Variants in DPPA5 observed in about 807,000 individuals in gnomAD.
DPPA5 encodes the protein developmental pluripotency associated 5.
In DPPA5, 11 loss-of-function variants were observed where a neutral mutation model predicts 11.3. The observed-to-expected ratio is 0.97, with a 90% CI of 0.61 to 1.61. DPPA5 has a LOEUF of 1.61. Among genes scored for constraint, DPPA5 ranks in the 40% most tolerant of loss-of-function variants. The pLI is 0.00. For missense variants in DPPA5, 132 were observed against 151.8 expected (o/e 0.87, Z 0.68); for synonymous variants, 53 against 59.2 (o/e 0.90, Z 0.48).
intron 2 of DPPA5, 61 bp from the exon 3 acceptor site, chr6:73,353,439 T>C (rs1336037816): frequency 8.7e-6 from 14 of 1,602,238 alleles, no homozygotes; most frequent in Non-Finnish European, 1.1e-5. Flanking sequence ...GCCCGGACTG[T>C]TCTCCGCCTC....
At chr6:73,353,787 G>T in intron 2 of DPPA5, 66 bp downstream of exon 2, 1 of 1,554,144 alleles carries the variant, frequency 6.4e-7, no homozygotes, top group Non-Finnish European at 8.7e-7. Flanking sequence ...GGAGAGGGCT[G>T]GAGGAGAGGC....
At position 73,353,321 on chromosome 6, in the gene DPPA5, C is replaced by T; in HGVS notation, c.350G>A (p.Ter117=). 6.2e-7 allele frequency: 1 copy of T among 1,614,136 alleles called. No homozygotes were observed. The highest frequency in any genetic ancestry group is 8.5e-7 in the Non-Finnish European group (1 of 1,180,024). Residue 117 remains the stop codon, a stop_retained_variant, in exon 3 of 3, where the codon TGA becomes TAA. Coordinates refer to ENST00000370370, the MANE Select transcript of DPPA5 (RefSeq NM_001025290.3). ...TCATTGCATTGGCTGGAAACTGGTTCACTTCATCCAAGGGCCTAGTTCGAG... is the reference window on the plus strand; with the variant it reads ...TCATTGCATTGGCTGGAAACTGGTTTACTTCATCCAAGGGCCTAGTTCGAG... ...NALELGPWMK[*] is the part of the protein sequence containing the mutation.
chr6:73,354,041 G>GA lies in DPPA5; in HGVS notation c.113-10dup, dbSNP rs1235595349. ...TCGAGATCCGTCCGGGCCTGTTGGG[G>GA]AAAAGAGATGAGATCCCCGGGCCGG... On this transcript the variant is annotated splice_polypyrimidine_tract_variant and intron_variant, in intron 1 of 2. Transcript: ENST00000370370. 5 of 1,613,752 alleles carry GA rather than the reference G, an allele frequency of 3.1e-6. No homozygotes were observed. The South Asian group carries it at 3.3e-5, about 11-fold the overall frequency.
At position 73,353,253 on chromosome 6, in the gene DPPA5, A is replaced by G. The variant is rs1156889710; in HGVS notation, c.*67T>C. 2.5e-6 allele frequency: 4 copies of G among 1,586,532 alleles called. No homozygotes were observed. In the South Asian group the frequency reaches 3.3e-5, roughly 13 times the overall value. ...GCAGATTTTAAAACAAGCTTAAGGA[A>G]TCACTCTAGCTCTGGCCACAACCTA... On this transcript the variant is annotated 3_prime_UTR_variant, in exon 3 of 3. Coordinates refer to ENST00000370370, the MANE Select transcript of DPPA5 (RefSeq NM_001025290.3).
At position 73,353,474 on chromosome 6, in the gene DPPA5, C is replaced by A; in HGVS notation, c.293-96G>T. The A allele has an allele frequency of 1.0e-5, 15 of 1,458,628 alleles. No individual in the cohort carries two copies. The South Asian group carries it at 1.7e-4, about 17-fold the overall frequency. 90.4% of individuals were successfully genotyped at this position (1,458,628 alleles called of 1,614,324 possible). A position where few individuals can be genotyped will look rare whatever the true frequency, so the allele number is the denominator to read the frequency against. On this transcript the variant is annotated intron_variant, in intron 2 of 2. Coordinates refer to ENST00000370370, the MANE Select transcript of DPPA5 (RefSeq NM_001025290.3). The stretch of plus-strand genomic sequence containing the variant: ...CTTTCAGGGTTCGTTTCTGGGACTT[C>A]TGATCCAGGCGTTCTGGGCCTGAGA...
chr6:73,353,829 G>T, intron 2 of DPPA5, 24 bp downstream of exon 2: 2 of 1,611,088 alleles, frequency 1.2e-6, no homozygotes, highest in Non-Finnish European at 1.7e-6. Flanking sequence ...TGTGTTCCGC[G>T]TACCCAGTCT....
At chr6:73,353,749 G>A in intron 2 of DPPA5, 104 bp downstream of exon 2, 1 of 1,420,666 alleles carries the variant, frequency 7.0e-7, no homozygotes, top group Non-Finnish European at 9.4e-7. Context: ...CGCCCAAGGT[G>A]CTGGCAGCGA....
Position 73,354,139 on chromosome 6 carries a change from C to G in DPPA5, c.87G>C (p.Gln29His). 6.2e-7 allele frequency: 1 copy of G among 1,614,234 alleles called. No individual in the cohort carries two copies. Among genetic ancestry groups the G allele is most frequent in the Non-Finnish European group, 8.5e-7 (1 of 1,180,038 alleles). ...CGAAAATGGCTTTCAGCAGCCGCGTCTGGACCTGGAACACCTCTGGATCTT... is the reference window on the plus strand; with the variant it reads ...CGAAAATGGCTTTCAGCAGCCGCGTGTGGACCTGGAACACCTCTGGATCTT... ...DLKDPEVFQV[Q>H]TRLLKAIFGP... The change falls in exon 1 of 3, where the codon CAG becomes CAC. Residue 29 changes from glutamine to histidine, a missense_variant. Gln to His is a conservative substitution (Grantham distance 24). Transcript: ENST00000370370.
At position 73,353,999 on chromosome 6, in the gene DPPA5, T is replaced by G; in HGVS notation, c.146A>C (p.Gln49Pro). Residue 49 changes from glutamine (Q) to proline (P), a missense_variant, in exon 2 of 3, where the codon CAG (glutamine) becomes CCG (proline). By Grantham distance (76) the Gln-to-Pro change is moderately conservative. Coordinates refer to ENST00000370370, the MANE Select transcript of DPPA5 (RefSeq NM_001025290.3). ...PDGSRIPYIE[Q>P]VSKAMLELKA... Reference sequence around the variant, plus strand: ...CAGCTCGAGCATGGCCTTGCTCACCTGCTCGATGTAAGGGATTCGAGATCC... The same window carrying G: ...CAGCTCGAGCATGGCCTTGCTCACCGGCTCGATGTAAGGGATTCGAGATCC... 1 of 1,614,124 alleles carries G rather than the reference T, an allele frequency of 6.2e-7. No individual in the cohort carries two copies. The highest frequency in any genetic ancestry group is 8.5e-7 in the Non-Finnish European group (1 of 1,180,012).
rs759070060 is a variant in DPPA5, at chr6:73,353,277, T to C, written c.*43A>G. On this transcript the variant is annotated 3_prime_UTR_variant, in exon 3 of 3. Transcript: ENST00000370370. ...AATCACTCTAGCTCTGGCCACAACCTAATCTCTGCAACCCGGCTTCATTGC... is the reference window on the plus strand; with the variant it reads ...AATCACTCTAGCTCTGGCCACAACCCAATCTCTGCAACCCGGCTTCATTGC... 1.2e-5 allele frequency: 19 copies of C among 1,612,852 alleles called. No homozygotes were observed. The African/African-American group carries it at 1.7e-4, about 15-fold the overall frequency.
At chr6:73,353,731 CCTGGTGACGCCCAAGGTG>C in intron 2 of DPPA5, 104 bp downstream of exon 2, 1 of 1,329,390 alleles carries the variant, frequency 7.5e-7, no homozygotes, top group South Asian at 1.5e-5. Context: ...CAAGGGCACC[CCTGGTGACGCCCAAGGTG>C]CTGGCAGCGA....
Position 73,353,971 on chromosome 6 carries a change from C to T in DPPA5, c.174G>A (p.Lys58=). ...EQVSKAMLEL[K]ALESSDLTEV... ...CGGTGAGGTCTGAAGACTCCAGAGC[C>T]TTCAGCTCGAGCATGGCCTTGCTCA... is the stretch of plus-strand genomic sequence containing the variant. Residue 58 remains lysine, a synonymous_variant, in exon 2 of 3, where the codon AAG becomes AAA. Transcript: ENST00000370370. 6.2e-7 allele frequency: 1 copy of T among 1,614,164 alleles called. No homozygotes were observed. The highest frequency in any genetic ancestry group is 2.2e-5 in the East Asian group (1 of 44,858).
Position 73,353,237 on chromosome 6 carries a change from A to T in DPPA5, c.*83T>A. On this transcript the variant is annotated 3_prime_UTR_variant, in exon 3 of 3. Coordinates refer to ENST00000370370, the MANE Select transcript of DPPA5 (RefSeq NM_001025290.3). Reference sequence around the variant, plus strand: ...AACTCTTTAGGCTGGAGCAGATTTTAAAACAAGCTTAAGGAATCACTCTAG... The same window carrying T: ...AACTCTTTAGGCTGGAGCAGATTTTTAAACAAGCTTAAGGAATCACTCTAG... The T allele has an allele frequency of 6.4e-7, 1 of 1,559,796 alleles. No individual in the cohort carries two copies. The highest frequency in any genetic ancestry group is 8.8e-7 in the Non-Finnish European group (1 of 1,131,672).
At chr6:73,353,763 A>C in intron 2 of DPPA5, 90 bp downstream of exon 2, 19 of 1,475,944 alleles carry the variant, frequency 1.3e-5, no homozygotes, top group Non-Finnish European at 1.5e-5. Flanking sequence ...GCAGCGAGCA[A>C]GAGAGGAGAA....
intron 2 of DPPA5, 34 bp downstream of exon 2, chr6:73,353,819 T>A: frequency 6.2e-7 from 1 of 1,607,348 alleles, no homozygotes; most frequent in Middle Eastern, 2.0e-4. Flanking sequence ...CCCGCGAGCC[T>A]GTGTTCCGCG....
At chr6:73,353,717 A>G (rs1261293581) in intron 2 of DPPA5, 136 bp downstream of exon 2, 3 of 1,244,170 alleles carry the variant, frequency 2.4e-6, no homozygotes, top group East Asian at 5.1e-5. Context: ...GAAGGCCCAG[A>G]TGCCAAGGGC....
Position 73,354,029 on chromosome 6 carries a change from G to A in DPPA5, c.116C>T (p.Pro39Leu), listed in dbSNP as rs1238480576. The change falls in exon 2 of 3, where the codon CCG (proline) becomes CTG (leucine). Residue 39 changes from proline (P) to leucine (L), a missense_variant. Pro to Leu is a moderately conservative substitution (Grantham distance 98). Transcript: ENST00000370370. ...QTRLLKAIFG[P>L]DGSRIPYIEQ... ...GATGTAAGGGATTCGAGATCCGTCC[G>A]GGCCTGTTGGGGAAAAGAGATGAGA... 5.6e-6 allele frequency: 9 copies of A among 1,613,862 alleles called. No individual in the cohort carries two copies. The highest frequency in any genetic ancestry group is 1.7e-5 in the Admixed American group (1 of 60,000).
At chr6:73,353,415 G>T in intron 2 of DPPA5, 37 bp from the exon 3 acceptor site, 2 of 1,613,670 alleles carry the variant, frequency 1.2e-6, no homozygotes, top group Non-Finnish European at 1.7e-6. Context: ...TGAGTCTGGG[G>T]GAAAATAGTA....
chr6:73,353,335 G>C lies in DPPA5; in HGVS notation c.336C>G (p.Gly112=), dbSNP rs755037198. The C allele has an allele frequency of 2.5e-6, 4 of 1,614,096 alleles. No individual in the cohort carries two copies. The highest frequency in any genetic ancestry group is 3.4e-6 in the Non-Finnish European group (4 of 1,180,014). Residue 112 remains glycine (G), a synonymous_variant, in exon 3 of 3, where the codon GGC becomes GGG. Transcript: ENST00000370370. Reference sequence around the variant, plus strand: ...GGAAACTGGTTCACTTCATCCAAGGGCCTAGTTCGAGGGCATTCATGGCTT... The same window carrying C: ...GGAAACTGGTTCACTTCATCCAAGGCCCTAGTTCGAGGGCATTCATGGCTT... The part of the protein sequence containing the change: ...LAEAMNALEL[G]PWMK
Sources: gnomAD v4.1 joint callset for allele counts on GRCh38, gnomAD v4.1.1 for gene constraint, MANE v1.5 for transcripts, NCBI Gene and HGNC (gene_info 2026-07-23, HGNC 2026-07-21) for gene names.